ZNF740: variants seen among roughly 807,000 people sequenced by gnomAD.
ZNF740 encodes the protein zinc finger protein 740.
Under a neutral mutation model 24.8 loss-of-function variants are expected in ZNF740, and 14 were observed. The ratio of observed to expected loss-of-function variants is 0.56; its 90% CI spans 0.37 to 0.88. The LOEUF is 0.88. Among genes scored for constraint, ZNF740 ranks in the 40% least tolerant of loss-of-function variants. ZNF740 has a pLI of 0.00. For synonymous variants in ZNF740, 69 were observed against 84.0 expected (o/e 0.82, Z 0.98); for missense variants, 201 against 247.9 (o/e 0.81, Z 1.27).
At position 53,193,656 on chromosome 12, in the gene ZNF740, G is replaced by C. The variant is rs1031142188; in HGVS notation, c.*6066G>C. 2.0e-6 allele frequency: 3 copies of C among 1,488,466 alleles called. No individual in the cohort carries two copies. The highest frequency in any genetic ancestry group is 1.9e-5 in the Admixed American group (1 of 53,886). The allele number at this position is 1,488,466 out of a possible 1,614,324, so 92.2% of individuals were successfully genotyped here. A position where few individuals can be genotyped will look rare whatever the true frequency, so the allele number is the denominator to read the frequency against. The stretch of plus-strand genomic sequence containing the variant: ...AAAGCAGCGGAGGAATACGGGCCAG[G>C]GTTGGTTGGTTGTTGGGAGCCAGGT... On this transcript the variant is annotated 3_prime_UTR_variant, in exon 7 of 7. Coordinates refer to ENST00000416904, the MANE Select transcript of ZNF740 (RefSeq NM_001004304.4).
rs1197625570 is a variant in ZNF740 at position 53,192,158 on chromosome 12, C to T, written c.*4568C>T. 2 of 1,236,158 alleles carry T rather than the reference C, an allele frequency of 1.6e-6. No individual in the cohort carries two copies. The highest frequency in any genetic ancestry group is 5.0e-5 in the East Asian group (2 of 39,848). The allele number at this position is 1,236,158 out of a possible 1,614,324, so 76.6% of individuals were successfully genotyped here. A position where few individuals can be genotyped will look rare whatever the true frequency, so the allele number is the denominator to read the frequency against. ...ACCCAGGGAGGTCCAAGGTTATCCT[C>T]ACCGCCCAGGGCCTTAGCCTCGTCC... is the stretch of plus-strand genomic sequence containing the variant. On this transcript the variant is annotated 3_prime_UTR_variant, in exon 7 of 7. Coordinates refer to ENST00000416904, the MANE Select transcript of ZNF740 (RefSeq NM_001004304.4).
Position 53,181,704 on chromosome 12 carries a change from C to G in ZNF740, c.-280C>G. On this transcript the variant is annotated 5_prime_UTR_variant, in exon 2 of 7. It adds an upstream start codon to the 5' untranslated region. Transcript: ENST00000416904. ...TTCTGAAACAGATCGTGAGCTTCAT[C>G]AAGAGAATTCAACTGGAAAACCAAG... The G allele has an allele frequency of 2.1e-6, 1 of 467,960 alleles. No homozygotes were observed. The highest frequency in any genetic ancestry group is 3.6e-6 in the Non-Finnish European group (1 of 280,592). 29.0% of individuals were successfully genotyped at this position (467,960 alleles called of 1,614,324 possible).
rs57193416 is a variant in ZNF740 at position 53,182,773 on chromosome 12, T to C, written c.9+781T>C. 2.6e-5 allele frequency among the ~76,000 whole-genome samples: 4 copies of C among 152,190 alleles called. No individual in the cohort carries two copies. The East Asian group carries it at 7.7e-4, about 29-fold the overall frequency. ...ATAGTTATGGAGGTAGTATTGACAG[T>C]GATAGGTGAGGAAGTTGTTCCCTGC... On this transcript the variant is annotated intron_variant, in intron 2 of 6. Transcript: ENST00000416904.
Position 53,185,173 on chromosome 12 carries a change from T to C in ZNF740, c.159+133T>C, listed in dbSNP as rs1356651235. ...CAAGGGGATCCAACTGGGGAATGGA[T>C]GAACATTGGTATTTCAGAAAGCTAA... On this transcript the variant is annotated intron_variant, in intron 3 of 6. Coordinates refer to ENST00000416904, the MANE Select transcript of ZNF740 (RefSeq NM_001004304.4). 5 of 1,401,966 alleles carry C rather than the reference T, an allele frequency of 3.6e-6. No homozygotes were observed. In the African/African-American group the frequency reaches 7.1e-5, roughly 20 times the overall value. The allele number at this position is 1,401,966 out of a possible 1,614,324, so 86.8% of individuals were successfully genotyped here.
rs763945113 is a variant in ZNF740, at chr12:53,181,966, C to G, written c.-18C>G. 1.1e-5 allele frequency: 17 copies of G among 1,606,194 alleles called. No homozygotes were observed. Among genetic ancestry groups the G allele is most frequent in the Non-Finnish European group, 1.4e-5 (17 of 1,176,124 alleles). ...AGGAACTCCTGAACTTTTGGGTTGCCTTAAGTGAGAAATCAGCATGGCTCA... is the reference window on the plus strand; with the variant it reads ...AGGAACTCCTGAACTTTTGGGTTGCGTTAAGTGAGAAATCAGCATGGCTCA... On this transcript the variant is annotated 5_prime_UTR_variant, in exon 2 of 7. Transcript: ENST00000416904.
At chr12:53,182,661 C>T (rs538978533) in intron 2 of ZNF740, among the ~76,000 whole-genome samples, 4 of 152,166 alleles carry the variant, frequency 2.6e-5, no homozygotes, top group Admixed American at 2.6e-4. Flanking sequence ...ACAGCATGGG[C>T]AGGAGCTTAG....
chr12:53,191,229 T>G lies in ZNF740; in HGVS notation c.*3639T>G. On this transcript the variant is annotated 3_prime_UTR_variant, in exon 7 of 7. Coordinates refer to ENST00000416904, the MANE Select transcript of ZNF740 (RefSeq NM_001004304.4). ...TTGGGCACCTCTCCCTGCCCTCAGG[T>G]GGCAAGAGGAGGATGGACAAGAGCT... 3.0e-6 allele frequency: 1 copy of G among 330,070 alleles called. No individual in the cohort carries two copies. The allele number at this position is 330,070 out of a possible 1,614,324, so 20.4% of individuals were successfully genotyped here. A position where few individuals can be genotyped will look rare whatever the true frequency, so the allele number is the denominator to read the frequency against.
intron 6 of ZNF740, 48 bp downstream of exon 6, chr12:53,186,557 C>G: frequency 6.8e-7 from 1 of 1,468,974 alleles, no homozygotes; most frequent in Non-Finnish European, 9.3e-7. Flanking sequence ...TTTCCTTCCC[C>G]AAGAATCAGG....
At chr12:53,186,221 C>A in intron 5 of ZNF740, 144 bp downstream of exon 5, 1 of 1,263,490 alleles carries the variant, frequency 7.9e-7, no homozygotes. Flanking sequence ...AGAGAGATTG[C>A]ATGGCTTTGT....
rs187914596 is a variant in ZNF740 at position 53,181,804 on chromosome 12, T to C, written c.-180T>C. On this transcript the variant is annotated 5_prime_UTR_variant, in exon 2 of 7. Transcript: ENST00000416904. ...TCCAGGGATTCTTGGAACACCTATC[T>C]TTTCTTCGGAGGACACTAAGTTCTA... is the stretch of plus-strand genomic sequence containing the variant. The C allele has an allele frequency of 1.3e-6, 1 of 765,742 alleles. No individual in the cohort carries two copies. The highest frequency in any genetic ancestry group is 2.8e-5 in the East Asian group (1 of 35,220). The allele number at this position is 765,742 out of a possible 1,614,324, so 47.4% of individuals were successfully genotyped here.
At chr12:53,183,446 T>G (rs2121528325) in intron 2 of ZNF740, among the ~76,000 whole-genome samples, 1 of 152,332 alleles carries the variant, frequency 6.6e-6, no homozygotes, top group Admixed American at 6.5e-5. Flanking sequence ...CTAAAAGGAA[T>G]TTCTTCATAA....
intron 1 of ZNF740, chr12:53,181,144 C>G: frequency 1.0e-6 from 1 of 983,282 alleles, no homozygotes; most frequent in Non-Finnish European, 1.2e-6. Context: ...GGTGCAGAGG[C>G]TGGCTGGCCG....
At chr12:53,181,158 C>T (rs3814776) in intron 1 of ZNF740, 52,967 of 984,620 alleles carry the variant, frequency 0.054, 1,578 homozygotes, top group East Asian at 0.16. Context: ...CTGGCCGGAG[C>T]GAGGCGGGCG....
At chr12:53,187,037 C>T (rs1466749020) in intron 6 of ZNF740, among the ~76,000 whole-genome samples, 1 of 152,220 alleles carries the variant, frequency 6.6e-6, no homozygotes, top group Non-Finnish European at 1.5e-5. Context: ...TAATAGCTAA[C>T]ACTTCCTGGA....
Position 53,188,100 on chromosome 12 carries a change from C to G in ZNF740, c.*510C>G, listed in dbSNP as rs998277477. 1 of 161,716 alleles carries G rather than the reference C, an allele frequency of 6.2e-6. No homozygotes were observed. Among genetic ancestry groups the G allele is most frequent in the African/African-American group, 2.4e-5 (1 of 41,584 alleles). 10.0% of individuals were successfully genotyped at this position (161,716 alleles called of 1,614,324 possible). ...TCCCCAAAAATTGGGTTTTTAGTTG[C>G]AGTAGCTCCTCAGTGTTTCACAATC... On this transcript the variant is annotated 3_prime_UTR_variant, in exon 7 of 7. Transcript: ENST00000416904.
Position 53,191,698 on chromosome 12 carries a change from C to T in ZNF740, c.*4108C>T. 6.5e-7 allele frequency: 1 copy of T among 1,549,614 alleles called. No homozygotes were observed. The highest frequency in any genetic ancestry group is 8.9e-7 in the Non-Finnish European group (1 of 1,121,614). ...CAGGATTCCTCGTCCCCTTTCTAGA[C>T]CTAAGAGGCCAGCCTTGAGCCGAAT... On this transcript the variant is annotated 3_prime_UTR_variant, in exon 7 of 7. Coordinates refer to ENST00000416904, the MANE Select transcript of ZNF740 (RefSeq NM_001004304.4).
chr12:53,182,308 T>G (rs1380964565), intron 2 of ZNF740: 1 of 283,008 alleles, frequency 3.5e-6, no homozygotes, highest in Non-Finnish European at 6.6e-6. Context: ...CGGTGAATGC[T>G]TCTTTTGTTT....
At chr12:53,181,058 G>C (rs548807598) in intron 1 of ZNF740, 6 of 905,606 alleles carry the variant, frequency 6.6e-6, no homozygotes, top group Non-Finnish European at 8.3e-6. Flanking sequence ...GAGGGCTCTC[G>C]GAGGGGACGC....
intron 1 of ZNF740, chr12:53,181,459 C>G: frequency 2.0e-6 from 2 of 985,446 alleles, no homozygotes; most frequent in Non-Finnish European, 2.4e-6. Context: ...GGCAGAGTTC[C>G]TCCATAGGAG....
Sources: gnomAD v4.1 joint callset for allele counts (sites outside exome capture counted in the v4.1 genomes callset) on GRCh38, gnomAD v4.1.1 for gene constraint, MANE v1.5 for transcripts, NCBI Gene and HGNC (gene_info 2026-07-23, HGNC 2026-07-21) for gene names.